MGAM: variants seen among roughly 807,000 people sequenced by gnomAD.
MGAM encodes alpha-1,4-glucosidase.
In MGAM, 253 loss-of-function variants were observed where a neutral mutation model predicts 358.8. The observed-to-expected ratio is 0.71, with a 90% confidence interval of 0.64 to 0.78. MGAM has a LOEUF of 0.78. Ranked by LOEUF, MGAM falls within the 30% of genes least tolerant of loss-of-function variation. The pLI is 0.00. For missense variants in MGAM, 3,080 were observed against 3,432.6 expected (o/e 0.90, Z 2.57); for synonymous variants, 1,105 against 1,227.1 (o/e 0.90, Z 2.08).
Position 142,082,095 on chromosome 7 carries a change from C to T in MGAM, c.6056C>T (p.Ser2019Phe), listed in dbSNP as rs547667838. 6.4e-7 allele frequency: 1 copy of T among 1,555,916 alleles called. No homozygotes were observed. Among genetic ancestry groups the T allele is most frequent in the African/African-American group, 1.3e-5 (1 of 74,616 alleles). Residue 2019 changes from serine (S) to phenylalanine (F), a missense_variant, in exon 51 of 71, where the codon TCC (serine) becomes TTC (phenylalanine). By Grantham distance (155) the Ser-to-Phe change is radical. Coordinates refer to ENST00000475668, the MANE Select transcript of MGAM (RefSeq NM_001365693.1). ...FTFNDMFIRISTRLPSKYLYG... is the reference protein window; with the variant it reads ...FTFNDMFIRIFTRLPSKYLYG... ...TTCAATGACATGTTTATCCGCATCT[C>T]CACCCGCCTTCCCTCCAAGTACCTC...
rs1262103534 is a variant in MGAM, at chr7:142,088,785, C to A, written c.6810+2068C>A. 6.7e-5 allele frequency among the ~76,000 whole-genome samples: 9 copies of A among 134,474 alleles called. 1 individual carries two copies. The highest frequency in any genetic ancestry group is 2.3e-4 in the African/African-American group (9 of 38,660). The allele number at this position is 134,474 out of a possible 152,430, so 88.2% of individuals were successfully genotyped here. The stretch of plus-strand genomic sequence containing the variant: ...TCTATCTATCTATCTATCTATCTAT[C>A]TATCTATCTATCTATCATTCTATCC... On this transcript the variant is annotated intron_variant, in intron 57 of 70. Coordinates refer to ENST00000475668, the MANE Select transcript of MGAM (RefSeq NM_001365693.1).
chr7:142,041,120 C>T (rs1481457839), intron 21 of MGAM, among the ~76,000 whole-genome samples: 2 of 152,128 alleles, frequency 1.3e-5, no homozygotes, highest in East Asian at 3.9e-4. Context: ...TGACTCTCCT[C>T]CCTCCTAGAA....
At chr7:142,042,665 AT>A (rs1809128570) in intron 21 of MGAM, among the ~76,000 whole-genome samples, 1 of 5,626 alleles carries the variant, frequency 1.8e-4, no homozygotes, top group Non-Finnish European at 3.2e-4. Flanking sequence ...ATATATACAT[AT>A]TATATATAAT....
At chr7:142,038,799 TC>T (rs1442703424) in intron 19 of MGAM, among the ~76,000 whole-genome samples, 184 bp downstream of exon 19, 1 of 152,218 alleles carries the variant, frequency 6.6e-6, no homozygotes, top group East Asian at 1.9e-4. Flanking sequence ...TTCTAGAATT[TC>T]TTTTTTCTCT....
intron 34 of MGAM, 108 bp from the exon 35 acceptor site, chr7:142,062,459 TC>T: frequency 7.1e-7 from 1 of 1,406,616 alleles, no homozygotes. Flanking sequence ...GTTCAGGCTG[TC>T]TGTCACCATG....
In MGAM at chr7:142,102,576, A is replaced by G. The variant is rs1672449494; in HGVS notation, c.7964-54A>G. 3 of 1,522,402 alleles carry G rather than the reference A, an allele frequency of 2.0e-6. No individual in the cohort carries two copies. The African/African-American group carries it at 4.1e-5, about 21-fold the overall frequency. The allele number at this position is 1,522,402 out of a possible 1,614,324, so 94.3% of individuals were successfully genotyped here. On this transcript the variant is annotated intron_variant, in intron 68 of 70. Coordinates refer to ENST00000475668, the MANE Select transcript of MGAM (RefSeq NM_001365693.1). ...GAACAGCATTTATATATTCTATAGCATAGAGTTCTACAGCACAGGTCCAGG... is the reference window on the plus strand; with the variant it reads ...GAACAGCATTTATATATTCTATAGCGTAGAGTTCTACAGCACAGGTCCAGG...
rs1331781875 is a variant in MGAM at position 142,082,063 on chromosome 7, C to T, written c.6024C>T (p.Gly2008=). ...TCAGTTGGGACTCTCAGCTCCTTGG[C>T]TTCACCTTCAATGACATGTTTATCC... ...GTIIWDSQLL[G]FTFNDMFIRI... Residue 2008 remains glycine, a synonymous_variant, in exon 51 of 71, where the codon GGC becomes GGT. Transcript: ENST00000475668. 9 of 1,555,546 alleles carry T rather than the reference C, an allele frequency of 5.8e-6. No individual in the cohort carries two copies. In the Admixed American group the frequency reaches 1.0e-4, roughly 18 times the overall value.
rs1554465773 is a variant in MGAM at position 142,036,238 on chromosome 7, G to C, written c.2029G>C (p.Gly677Arg). The change falls in exon 17 of 71, where the codon GGT becomes CGT. Residue 677 changes from glycine to arginine, a missense_variant. Gly to Arg is a moderately radical substitution (Grantham distance 125). Around this residue, in one of 5 missense-constraint regions of MGAM, gnomAD observed 1,816 missense variants for 1,840.5 expected, o/e 0.99. Coordinates refer to ENST00000475668, the MANE Select transcript of MGAM (RefSeq NM_001365693.1). ...EELCRRWMQL[G>R]AFYPFSRNHN... ...GCTCTGTAGGCGGTGGATGCAGTTG[G>C]GTGCATTTTATCCGTTTTCTAGAAA... 1 of 1,611,750 alleles carries C rather than the reference G, an allele frequency of 6.2e-7. No homozygotes were observed. Among genetic ancestry groups the C allele is most frequent in the South Asian group, 1.1e-5 (1 of 90,490 alleles).
At position 142,102,644 on chromosome 7, in the gene MGAM, G is replaced by C; in HGVS notation, c.7978G>C (p.Gly2660Arg). The C allele has an allele frequency of 6.2e-7, 1 of 1,613,432 alleles. No individual in the cohort carries two copies. Among genetic ancestry groups the C allele is most frequent in the Non-Finnish European group, 8.5e-7 (1 of 1,179,676 alleles). ...TTTGTTTGCAGATACCTATGGGAAA[G>C]GACTCTATTACTTGGCCAGCTTTTC... ...DGQSIDTYGK[G>R]LYYLASFSAS... is the part of the protein sequence containing the mutation. Residue 2660 changes from glycine (G) to arginine (R), a missense_variant, in exon 69 of 71, where the codon GGA becomes CGA. Transcript: ENST00000475668.
intron 1 of MGAM, among the ~76,000 whole-genome samples, chr7:141,996,407 T>TAA (rs1804238870): frequency 6.6e-6 from 1 of 152,178 alleles, no homozygotes; most frequent in African/African-American, 2.4e-5. Flanking sequence ...AAATTCTCAT[T>TAA]TATCTTTTTT....
At chr7:142,036,639 A>G (rs1808019153) in intron 17 of MGAM, among the ~76,000 whole-genome samples, 184 bp from the exon 18 acceptor site, 1 of 152,234 alleles carries the variant, frequency 6.6e-6, no homozygotes, top group Non-Finnish European at 1.5e-5. Flanking sequence ...AAGAATGAGG[A>G]AGGCAGGTTG....
intron 57 of MGAM, among the ~76,000 whole-genome samples, chr7:142,089,689 A>C (rs1815183414): frequency 6.9e-6 from 1 of 145,348 alleles, no homozygotes; most frequent in Non-Finnish European, 1.6e-5. Flanking sequence ...TAGGAGGCTG[A>C]GGTAGGAGAA....
intron 40 of MGAM, 109 bp from the exon 41 acceptor site, chr7:142,066,464 T>C (rs1240453979): frequency 7.8e-7 from 1 of 1,283,428 alleles, no homozygotes; most frequent in African/African-American, 1.4e-5. Context: ...TATAGTTTTC[T>C]TTTGTTTAGC....
intron 41 of MGAM, 116 bp downstream of exon 41, chr7:142,066,837 C>T: frequency 1.6e-6 from 2 of 1,228,300 alleles, no homozygotes; most frequent in African/African-American, 1.4e-5. Flanking sequence ...TTGACATGAG[C>T]TCTTCAGACA....
chr7:142,104,527 T>C (rs1352055452), intron 70 of MGAM, among the ~76,000 whole-genome samples: 1 of 152,252 alleles, frequency 6.6e-6, no homozygotes, highest in East Asian at 1.9e-4. Context: ...CTAGTGTCTA[T>C]GAAGTTTTTT....
intron 24 of MGAM, 102 bp downstream of exon 24, chr7:142,050,966 C>T: frequency 1.3e-6 from 2 of 1,485,932 alleles, no homozygotes; most frequent in Non-Finnish European, 1.9e-6. Context: ...ACCAGGGCAC[C>T]TTTGAGGCCT....
intron 7 of MGAM, among the ~76,000 whole-genome samples, chr7:142,022,931 G>A (rs1806599811): frequency 6.6e-6 from 1 of 152,200 alleles, no homozygotes; most frequent in African/African-American, 2.4e-5. Flanking sequence ...TTGTGGTAGT[G>A]AAAGAATAGA....
At position 142,096,280 on chromosome 7, in the gene MGAM, C is replaced by T. The variant is rs1318232177; in HGVS notation, c.7608-51C>T. ...AACTTGAGGAGCTTCTTCAGAGTGT[C>T]GGGCTGGGGCTCTGTTGGGCTCTGT... On this transcript the variant is annotated intron_variant, in intron 64 of 70. Coordinates refer to ENST00000475668, the MANE Select transcript of MGAM (RefSeq NM_001365693.1). 17 of 1,456,544 alleles carry T rather than the reference C, an allele frequency of 1.2e-5. No individual in the cohort carries two copies. The Admixed American group carries it at 1.2e-4, about 10-fold the overall frequency. 90.2% of individuals were successfully genotyped at this position (1,456,544 alleles called of 1,614,324 possible). A position where few individuals can be genotyped will look rare whatever the true frequency, so the allele number is the denominator to read the frequency against.
chr7:142,100,133 G>A (rs1816313661), intron 67 of MGAM, among the ~76,000 whole-genome samples: 1 of 152,194 alleles, frequency 6.6e-6, no homozygotes, highest in Admixed American at 6.5e-5. Flanking sequence ...CAAAGTCTAT[G>A]TATAAATTAA....
Sources: allele counts gnomAD v4.1 joint callset (sites outside exome capture counted in the v4.1 genomes callset), GRCh38; gene constraint gnomAD v4.1.1; regional missense constraint gnomAD v4.1.1; transcripts MANE v1.5; gene names NCBI Gene and HGNC (gene_info 2026-07-23, HGNC 2026-07-21).